Variants in ALDH2 observed in about 807,000 individuals in gnomAD.
The protein encoded by ALDH2 is aldehyde dehydrogenase 2 family member.
A neutral mutation model predicts 59.6 loss-of-function variants in ALDH2; 44 were observed. That is an observed-to-expected ratio of 0.74 (90% confidence interval 0.58 to 0.95). The LOEUF is 0.95. Among genes scored for constraint, ALDH2 ranks in the 40% least tolerant of loss-of-function variants. The pLI is 0.00. For missense variants in ALDH2, 570 were observed against 696.3 expected (o/e 0.82, Z 2.04); for synonymous variants, 291 against 284.0 (o/e 1.02, Z -0.25).
chr12:111,792,928 C>A, intron 9 of ALDH2, 146 bp downstream of exon 9: 1 of 906,862 alleles, frequency 1.1e-6, no homozygotes, highest in Non-Finnish European at 1.6e-6. Context: ...TATGTTCCCT[C>A]CCTCAGCCTT....
chr12:111,805,527 G>A (rs1179108230), intron 12 of ALDH2, among the ~76,000 whole-genome samples: 5 of 152,074 alleles, frequency 3.3e-5, no homozygotes, highest in Non-Finnish European at 5.9e-5. Flanking sequence ...GTCTCACTAT[G>A]TTACCCAGGC....
chr12:111,771,499 A>G (rs1476180122), intron 1 of ALDH2, among the ~76,000 whole-genome samples: 1 of 152,250 alleles, frequency 6.6e-6, no homozygotes, highest in Non-Finnish European at 1.5e-5. Context: ...CCTATGTTAC[A>G]GTTATAGGAG....
chr12:111,803,281 CAA>C (rs59141978), intron 11 of ALDH2, among the ~76,000 whole-genome samples: 1 of 135,456 alleles, frequency 7.4e-6, no homozygotes. Flanking sequence ...TTTTAAATTG[CAA>C]AAAAAAAAAA....
In ALDH2 at chr12:111,812,527, A is replaced by ACTTC. The variant is rs2068543133; in HGVS notation, c.*2952_*2953insCTTC. 1 of 152,080 alleles carries ACTTC rather than the reference A, an allele frequency of 6.6e-6. No homozygotes were observed. 9.4% of individuals were successfully genotyped at this position (152,080 alleles called of 1,614,324 possible). ...TCACCAGCTTAACCCTCATCTCATT[A>ACTTC]TATAGGATGATATTACTTCTAGGAA... On this transcript the variant is annotated 3_prime_UTR_variant, in exon 13 of 13. Coordinates refer to ENST00000261733, the MANE Select transcript of ALDH2 (RefSeq NM_000690.4).
Position 111,803,893 on chromosome 12 carries a change from C to G in ALDH2, c.1441C>G (p.Pro481Ala). 6.2e-7 allele frequency: 1 copy of G among 1,613,460 alleles called. No homozygotes were observed. The highest frequency in any genetic ancestry group is 8.5e-7 in the Non-Finnish European group (1 of 1,179,710). The change falls in exon 12 of 13, where the codon CCC becomes GCC. Residue 481 changes from proline to alanine, a missense_variant. Transcript: ENST00000261733. ...CTATGATGTGTTTGGAGCCCAGTCA[C>G]CCTTTGGTGGCTACAAGATGTCGGG... ...NCYDVFGAQS[P>A]FGGYKMSGSG...
intron 4 of ALDH2, among the ~76,000 whole-genome samples, chr12:111,787,299 C>T (rs1198857836): frequency 6.6e-6 from 1 of 152,192 alleles, no homozygotes; most frequent in African/African-American, 2.4e-5. Context: ...GAGTCTCACT[C>T]ACCTCCCTGC....
At chr12:111,783,725 G>T (rs759795466) in intron 3 of ALDH2, among the ~76,000 whole-genome samples, 1 of 152,174 alleles carries the variant, frequency 6.6e-6, no homozygotes, top group Non-Finnish European at 1.5e-5. Flanking sequence ...GGCCAGGCTG[G>T]TCTCCAACCC....
At chr12:111,770,987 C>T (rs2068195090) in intron 1 of ALDH2, among the ~76,000 whole-genome samples, 3 of 151,886 alleles carry the variant, frequency 2.0e-5, no homozygotes, top group African/African-American at 4.8e-5. Context: ...CCATGTTGCC[C>T]AGGCTGGGTC....
intron 11 of ALDH2, among the ~76,000 whole-genome samples, chr12:111,803,344 T>C (rs1264124575): frequency 2.0e-5 from 3 of 151,076 alleles, no homozygotes; most frequent in African/African-American, 7.3e-5. Flanking sequence ...ATACCAGTAA[T>C]CCCAGTGCTT....
intron 10 of ALDH2, 86 bp downstream of exon 10, chr12:111,798,328 C>T: frequency 1.4e-6 from 2 of 1,418,720 alleles, no homozygotes; most frequent in Non-Finnish European, 1.9e-6. Flanking sequence ...TGCTGTCACC[C>T]ATCTGCTGGC....
intron 9 of ALDH2, among the ~76,000 whole-genome samples, chr12:111,794,367 G>A (rs1388764623): frequency 2.0e-5 from 3 of 151,858 alleles, no homozygotes; most frequent in East Asian, 1.9e-4. Flanking sequence ...TGTCTTATAC[G>A]AATCATACAG....
At chr12:111,789,701 C>CA (rs1334152587) in intron 4 of ALDH2, 122 bp from the exon 5 acceptor site, 3 of 845,004 alleles carry the variant, frequency 3.6e-6, no homozygotes, top group Non-Finnish European at 5.7e-6. Flanking sequence ...CTGAATAAGC[C>CA]AAAAGCAAAG....
intron 1 of ALDH2, among the ~76,000 whole-genome samples, chr12:111,779,190 T>C (rs2068253945): frequency 6.7e-6 from 1 of 150,348 alleles, no homozygotes; most frequent in Admixed American, 6.6e-5. Context: ...TGCTCCTTTT[T>C]GTGTTTTCTT....
At position 111,812,622 on chromosome 12, in the gene ALDH2, A is replaced by C. The variant is rs2068543774; in HGVS notation, c.*3047A>C. 6.6e-6 allele frequency: 1 copy of C among 152,242 alleles called. No homozygotes were observed. Among genetic ancestry groups the C allele is most frequent in the African/African-American group, 2.4e-5 (1 of 41,452 alleles). The allele number at this position is 152,242 out of a possible 1,614,324, so 9.4% of individuals were successfully genotyped here. On this transcript the variant is annotated 3_prime_UTR_variant, in exon 13 of 13. Transcript: ENST00000261733. ...CCAGGCACTGTGGCTCATGCCTGTA[A>C]TCCCAGCATTTTGGGAAGCTGAGGT...
At chr12:111,770,903 G>A (rs762118436) in intron 1 of ALDH2, among the ~76,000 whole-genome samples, 2 of 151,744 alleles carry the variant, frequency 1.3e-5, no homozygotes, top group Non-Finnish European at 2.9e-5. Flanking sequence ...CACCTGCCCT[G>A]GCCTCCCAAA....
In ALDH2 at chr12:111,792,621, C is replaced by T; in HGVS notation, c.922C>T (p.His308Tyr). 6.2e-7 allele frequency: 1 copy of T among 1,612,974 alleles called. No homozygotes were observed. The highest frequency in any genetic ancestry group is 8.5e-7 in the Non-Finnish European group (1 of 1,179,858). ...AGTGGATTGGGCCGTGGAACAGGCC[C>T]ACTTCGCCCTGTTCTTCAACCAGGG... ...ADMDWAVEQA[H>Y]FALFFNQGQC... The change falls in exon 9 of 13, where the codon CAC becomes TAC. Residue 308 changes from histidine to tyrosine, a missense_variant. Transcript: ENST00000261733.
At chr12:111,793,010 G>T (rs894300514) in intron 9 of ALDH2, among the ~76,000 whole-genome samples, 1 of 152,090 alleles carries the variant, frequency 6.6e-6, no homozygotes, top group African/African-American at 2.4e-5. Flanking sequence ...ATCCTGGGAA[G>T]CACTTTGTAA....
Position 111,783,244 on chromosome 12 carries a change from C to A in ALDH2, c.306C>A (p.Gly102=), listed in dbSNP as rs1275241324. The A allele has an allele frequency of 2.5e-6, 4 of 1,613,204 alleles. No homozygotes were observed. The highest frequency in any genetic ancestry group is 3.4e-6 in the Non-Finnish European group (4 of 1,179,620). ...PWRRMDASHR[G]RLLNRLADLI... The stretch of plus-strand genomic sequence containing the variant: ...GCCGCATGGACGCATCACACAGGGG[C>A]CGGCTGCTGAACCGCCTGGCCGATC... The change falls in exon 3 of 13, where the codon GGC becomes GGA. Residue 102 remains glycine, a synonymous_variant. Coordinates refer to ENST00000261733, the MANE Select transcript of ALDH2 (RefSeq NM_000690.4).
Position 111,791,314 on chromosome 12 carries a change from T to TC in ALDH2, c.695dup (p.Gly233TrpfsTer21). The TC allele has an allele frequency of 6.2e-7, 1 of 1,613,716 alleles. No individual in the cohort carries two copies. Among genetic ancestry groups the TC allele is most frequent in the South Asian group, 1.1e-5 (1 of 90,998 alleles). ...TGGCTGTTTGCTCACAGGCTGGCTT[T>TC]CCCCCTGGTGTGGTCAACATTGTGC... is the stretch of plus-strand genomic sequence containing the variant. On this transcript the variant is annotated frameshift_variant, in exon 7 of 13. Coordinates refer to ENST00000261733, the MANE Select transcript of ALDH2 (RefSeq NM_000690.4). LOFTEE classifies it high-confidence loss of function.
Sources: gnomAD v4.1 joint callset for allele counts (sites outside exome capture counted in the v4.1 genomes callset) on GRCh38, gnomAD v4.1.1 for gene constraint, MANE v1.5 for transcripts, NCBI Gene and HGNC (gene_info 2026-07-23, HGNC 2026-07-21) for gene names.